ANKRD17: variants seen among roughly 807,000 people sequenced by gnomAD.
ANKRD17 encodes the protein ankyrin repeat domain 17.
In ANKRD17, 19 loss-of-function variants were observed where a neutral mutation model predicts 229.7. That is an observed-to-expected ratio of 0.08 (90% CI 0.06 to 0.12). ANKRD17 has a LOEUF of 0.12. Ranked by LOEUF, ANKRD17 falls within the 10% of genes least tolerant of loss-of-function variation. The probability of loss-of-function intolerance (pLI) is 1.00; values close to 1 mark genes in which losing one functional copy is unlikely to be tolerated. For synonymous variants in ANKRD17, 1,112 were observed against 1,146.1 expected, an observed-to-expected ratio of 0.97 and a Z score of 0.60; for missense variants, 2,176 against 3,176.8, an observed-to-expected ratio of 0.68 and a Z score of 7.57.
At chr4:73,191,929 G>C (rs574380998) in intron 1 of ANKRD17, among the ~76,000 whole-genome samples, 5 of 152,088 alleles carry the variant, frequency 3.3e-5, no homozygotes, top group African/African-American at 1.2e-4. Context: ...GTATATGGAA[G>C]TTCTTTTTAT....
intron 1 of ANKRD17, 132 bp from the exon 2 acceptor site, chr4:73,177,665 A>T: frequency 1.6e-6 from 1 of 634,174 alleles, no homozygotes; most frequent in South Asian, 2.7e-5. Flanking sequence ...AACACAGTGC[A>T]ACCCTAAAAA....
chr4:73,154,858 G>A (rs1370364082), intron 5 of ANKRD17, among the ~76,000 whole-genome samples: 2 of 151,942 alleles, frequency 1.3e-5, no homozygotes, highest in Non-Finnish European at 2.9e-5. Context: ...CGGCTAAAAC[G>A]GTGAAACCCC....
At chr4:73,229,870 A>C (rs1452675333) in intron 1 of ANKRD17, among the ~76,000 whole-genome samples, 1 of 152,162 alleles carries the variant, frequency 6.6e-6, no homozygotes, top group Non-Finnish European at 1.5e-5. Context: ...ACTAAATAAA[A>C]TACTGCTGGA....
chr4:73,163,597 T>C (rs1361203532), intron 2 of ANKRD17, among the ~76,000 whole-genome samples: 11 of 152,202 alleles, frequency 7.2e-5, no homozygotes, highest in Admixed American at 5.9e-4. Flanking sequence ...TTCAATAATA[T>C]CACATAAGTT....
At chr4:73,218,750 T>C (rs1477554698) in intron 1 of ANKRD17, among the ~76,000 whole-genome samples, 3 of 151,998 alleles carry the variant, frequency 2.0e-5, no homozygotes, top group South Asian at 2.1e-4. Flanking sequence ...ACTAACCTCA[T>C]TGAATTTCAA....
intron 1 of ANKRD17, among the ~76,000 whole-genome samples, chr4:73,198,352 A>G (rs753724681): frequency 7.2e-5 from 11 of 152,218 alleles, no homozygotes; most frequent in Non-Finnish European, 1.5e-4. Context: ...AAAATGAAAA[A>G]TTTGGTATAC....
intron 1 of ANKRD17, among the ~76,000 whole-genome samples, chr4:73,212,290 G>A (rs1740383609): frequency 1.3e-5 from 2 of 152,000 alleles, no homozygotes. Flanking sequence ...AAAAGCTCAA[G>A]ACAATGAAAA....
At chr4:73,158,168 G>GAAAGAAAGAAAGAA (rs1731984564) in intron 3 of ANKRD17, among the ~76,000 whole-genome samples, 1 of 149,814 alleles carries the variant, frequency 6.7e-6, no homozygotes, top group Admixed American at 6.6e-5. Context: ...AAGAAAGAAA[G>GAAAGAAAGAAAGAA]AAAGAAAGAA....
At chr4:73,158,175 A>AGAAAGAAAGAAAGAAAGAAAGAAAGAAG in intron 3 of ANKRD17, among the ~76,000 whole-genome samples, 1 of 151,326 alleles carries the variant, frequency 6.6e-6, no homozygotes, top group Admixed American at 6.6e-5. Flanking sequence ...AAAGAAAGAA[A>AGAAAGAAAGAAAGAAAGAAAGAAAGAAG]GAAAGAAAGA....
At chr4:73,241,015 T>A (rs1743980848) in intron 1 of ANKRD17, among the ~76,000 whole-genome samples, 1 of 151,884 alleles carries the variant, frequency 6.6e-6, no homozygotes, top group Admixed American at 6.6e-5. Context: ...TTCACCATGT[T>A]CCCCAGGCTG....
At chr4:73,115,762 G>A in intron 23 of ANKRD17, 59 bp downstream of exon 23, 8 of 1,327,478 alleles carry the variant, frequency 6.0e-6, no homozygotes, top group Non-Finnish European at 8.5e-6. Flanking sequence ...GGAATTCTTA[G>A]AATGGAAGAT....
chr4:73,085,878 T>C (rs1229403118), intron 29 of ANKRD17, among the ~76,000 whole-genome samples: 1 of 150,470 alleles, frequency 6.6e-6, no homozygotes, highest in Non-Finnish European at 1.5e-5. Context: ...GTAGTTCCAG[T>C]TACTTGGGAG....
Position 73,091,184 on chromosome 4 carries a change from C to A in ANKRD17, c.6444G>T (p.Ala2148=), listed in dbSNP as rs61250662. Residue 2148 remains alanine, a synonymous_variant, in exon 29 of 34, where the codon GCG becomes GCT. Transcript: ENST00000358602. ...PPLATSSAPV[A]VPSTAPVTYP... ...AAGTCACTGGGGCAGTAGAAGGCACCGCCACTGGAGCAGAACTTGTTGCTA... is the reference window on the plus strand; with the variant it reads ...AAGTCACTGGGGCAGTAGAAGGCACAGCCACTGGAGCAGAACTTGTTGCTA... 1.2e-6 allele frequency: 2 copies of A among 1,614,084 alleles called. No individual in the cohort carries two copies. The highest frequency in any genetic ancestry group is 4.5e-5 in the East Asian group (2 of 44,874).
In ANKRD17 at chr4:73,134,287, A is replaced by C. The variant is rs542249948; in HGVS notation, c.3234+830T>G. The stretch of plus-strand genomic sequence containing the variant: ...TTACCCCTGCTAAAATTCAGGCTTT[A>C]TTATAAAGAAATAATCATATATAAA... On this transcript the variant is annotated intron_variant, in intron 16 of 33. Transcript: ENST00000358602. 2.8e-4 allele frequency among the ~76,000 whole-genome samples: 43 copies of C among 152,108 alleles called. 1 individual carries two copies. Among genetic ancestry groups the C allele is most frequent in the Non-Finnish European group, 3.5e-4 (24 of 68,016 alleles).
chr4:73,113,243 C>G, intron 24 of ANKRD17: 1 of 1,289,262 alleles, frequency 7.8e-7, no homozygotes, highest in Non-Finnish European at 1.0e-6. Flanking sequence ...ATAAGACTGT[C>G]CAAACTATAT....
chr4:73,187,200 T>TA (rs1736416997), intron 1 of ANKRD17, among the ~76,000 whole-genome samples: 1 of 152,118 alleles, frequency 6.6e-6, no homozygotes, highest in African/African-American at 2.4e-5. Context: ...TATAATGAAA[T>TA]TTTTTTAGGT....
intron 19 of ANKRD17, 57 bp downstream of exon 19, chr4:73,121,560 A>G (rs2148701171): frequency 6.2e-7 from 1 of 1,601,024 alleles, no homozygotes; most frequent in East Asian, 2.2e-5. Context: ...GGTGTTCTAC[A>G]AATATCTATA....
At chr4:73,239,707 T>C (rs1463408582) in intron 1 of ANKRD17, among the ~76,000 whole-genome samples, 1 of 152,128 alleles carries the variant, frequency 6.6e-6, no homozygotes, top group Non-Finnish European at 1.5e-5. Flanking sequence ...AAATTTTCAG[T>C]TCACAGTTAC....
At chr4:73,169,944 TCAACACGGGCTGCAGTG>T (rs1289913730) in intron 2 of ANKRD17, among the ~76,000 whole-genome samples, 1 of 152,146 alleles carries the variant, frequency 6.6e-6, no homozygotes, top group Non-Finnish European at 1.5e-5. Flanking sequence ...GCAAGCCCTG[TCAACACGGGCTGCAGTG>T]TTCTGGGGCC....
Sources: gnomAD v4.1 joint callset for allele counts (sites outside exome capture counted in the v4.1 genomes callset) on GRCh38, gnomAD v4.1.1 for gene constraint, MANE v1.5 for transcripts, NCBI Gene and HGNC (gene_info 2026-07-23, HGNC 2026-07-21) for gene names.